The following DLC1 variants were observed in gnomAD, a reference collection of about 807,000 sequenced individuals.
DLC1 encodes rho GTPase-activating protein 7.
In DLC1, 54 loss-of-function variants were observed where a neutral mutation model predicts 140.3. That is an observed-to-expected ratio of 0.38 (90% CI 0.31 to 0.48). The LOEUF is 0.48. DLC1 is among the 20% of genes least tolerant of loss of function. The pLI is 0.96. For missense variants in DLC1, 2,536 were observed against 1,907.0 expected, an observed-to-expected ratio of 1.33 and a Z score of -6.14; for synonymous variants, 986 against 728.1, an observed-to-expected ratio of 1.35 and a Z score of -5.70.
intron 5 of DLC1, among the ~76,000 whole-genome samples, chr8:13,190,408 T>C (rs1199912503): frequency 6.6e-6 from 1 of 152,114 alleles, no homozygotes; most frequent in African/African-American, 2.4e-5. Context: ...TCCTCTCTTC[T>C]CTGGTGTCAA....
At chr8:13,225,408 C>T (rs1459240319) in intron 5 of DLC1, among the ~76,000 whole-genome samples, 5 of 152,020 alleles carry the variant, frequency 3.3e-5, no homozygotes, top group Non-Finnish European at 4.4e-5. Context: ...CCAGGGAGGG[C>T]AAATATCTCA....
intron 3 of DLC1, among the ~76,000 whole-genome samples, chr8:13,398,593 C>A (rs891857580): frequency 2.9e-5 from 4 of 138,192 alleles, no homozygotes; most frequent in Non-Finnish European, 6.2e-5. Context: ...CATAGAGAAA[C>A]CCCATCTCTA....
chr8:13,093,451 A>T (rs1231034628), intron 12 of DLC1, among the ~76,000 whole-genome samples: 2 of 152,214 alleles, frequency 1.3e-5, no homozygotes, highest in Non-Finnish European at 2.9e-5. Flanking sequence ...AGTTTTAGAA[A>T]GCATGCTCGA....
At chr8:13,200,474 C>A (rs183655708) in intron 5 of DLC1, among the ~76,000 whole-genome samples, 1 of 152,148 alleles carries the variant, frequency 6.6e-6, no homozygotes, top group Non-Finnish European at 1.5e-5. Context: ...CCTAACCAGA[C>A]GAATTGGTTT....
intron 4 of DLC1, among the ~76,000 whole-genome samples, chr8:13,349,263 A>T (rs1834519468): frequency 6.6e-6 from 1 of 152,100 alleles, no homozygotes; most frequent in African/African-American, 2.4e-5. Flanking sequence ...GACCATCGTT[A>T]TATGTTAATA....
intron 5 of DLC1, among the ~76,000 whole-genome samples, chr8:13,168,868 C>T (rs76207350): frequency 0.011 from 1,666 of 152,232 alleles, 19 homozygotes; most frequent in South Asian, 0.039. Flanking sequence ...GAAATGAAGT[C>T]GGTGATTAGA....
In DLC1 at chr8:13,393,388, A is replaced by G. The variant is rs569288139; in HGVS notation, c.1314+165T>C. On this transcript the variant is annotated intron_variant, in intron 4 of 17. Transcript: ENST00000276297. ...ACTTGTGTTATCATTTATAAAACAA[A>G]AAACATTTTTCTAGGGTTGTACTTA... is the stretch of plus-strand genomic sequence containing the variant. 6.8e-4 allele frequency among the ~76,000 whole-genome samples: 103 copies of G among 152,350 alleles called. 2 individuals are homozygous for G. The South Asian group carries it at 0.02, about 30-fold the overall frequency.
At chr8:13,522,653 A>C (rs1563418768) in intron 1 of DLC1, among the ~76,000 whole-genome samples, 1 of 151,928 alleles carries the variant, frequency 6.6e-6, no homozygotes, top group African/African-American at 2.4e-5. Flanking sequence ...CAAATAAATA[A>C]ATATAAAAAT....
At chr8:13,423,600 G>C (rs1838417601) in intron 2 of DLC1, among the ~76,000 whole-genome samples, 1 of 152,100 alleles carries the variant, frequency 6.6e-6, no homozygotes, top group South Asian at 2.1e-4. Context: ...ATGATTAATT[G>C]CTAGGCATTT....
In DLC1 at chr8:13,324,487, G is replaced by A. The variant is rs192062100; in HGVS notation, c.1315-19185C>T. Among the ~76,000 whole-genome samples, 813 of 143,192 alleles carry A rather than the reference G, an allele frequency of 5.7e-3. 11 individuals are homozygous for A. Among genetic ancestry groups the A allele is most frequent in the African/African-American group, 0.02 (781 of 38,816 alleles). The allele number at this position is 143,192 out of a possible 152,430, so 93.9% of individuals were successfully genotyped here. A position where few individuals can be genotyped will look rare whatever the true frequency, so the allele number is the denominator to read the frequency against. On this transcript the variant is annotated intron_variant, in intron 4 of 17. Coordinates refer to ENST00000276297, the MANE Select transcript of DLC1 (RefSeq NM_182643.3). The stretch of plus-strand genomic sequence containing the variant: ...GGAGGCTGAGGCAGGAGAATGGCGT[G>A]AACCTGGGAGTGGAGCTTGCAGTGA...
intron 5 of DLC1, among the ~76,000 whole-genome samples, chr8:13,221,202 C>G (rs1272831022): frequency 2.0e-5 from 3 of 152,106 alleles, no homozygotes; most frequent in East Asian, 1.9e-4. Context: ...CGCATTCTTT[C>G]CATGGGGGAT....
chr8:13,388,383 A>G (rs1836612125), intron 4 of DLC1, among the ~76,000 whole-genome samples: 1 of 152,060 alleles, frequency 6.6e-6, no homozygotes, highest in African/African-American at 2.4e-5. Flanking sequence ...AGATCATTCC[A>G]GAGCTGAAAC....
At chr8:13,313,127 C>T (rs569496745) in intron 4 of DLC1, among the ~76,000 whole-genome samples, 2 of 152,278 alleles carry the variant, frequency 1.3e-5, no homozygotes, top group East Asian at 3.9e-4. Context: ...AAGATTTTTA[C>T]TTACAGCACT....
intron 1 of DLC1, among the ~76,000 whole-genome samples, chr8:13,544,735 A>G (rs1803600222): frequency 6.6e-6 from 1 of 152,262 alleles, no homozygotes; most frequent in Non-Finnish European, 1.5e-5. Flanking sequence ...GCATGAAAAT[A>G]TACAATCCAT....
At chr8:13,242,432 G>A (rs1252136463) in intron 5 of DLC1, among the ~76,000 whole-genome samples, 1 of 149,202 alleles carries the variant, frequency 6.7e-6, no homozygotes, top group African/African-American at 2.5e-5. Flanking sequence ...GTCTCTCTCT[G>A]TTGCCCAGGC....
intron 5 of DLC1, among the ~76,000 whole-genome samples, chr8:13,267,729 AGTGTGTGTGTGTGTGT>A (rs58701617): frequency 2.5e-4 from 35 of 140,404 alleles, no homozygotes; most frequent in African/African-American, 6.9e-4. Flanking sequence ...ATTCCTGAGG[AGTGTGTGTGTGTGTGT>A]GTGTGTGTGT....
At chr8:13,415,680 T>C (rs6991068) in intron 2 of DLC1, among the ~76,000 whole-genome samples, 81,011 of 152,020 alleles carry the variant, frequency 0.53, 22,264 homozygotes, top group Middle Eastern at 0.62. Context: ...ATTACAGGCA[T>C]GAGCCACTGC....
At chr8:13,441,563 T>C (rs1400258872) in intron 2 of DLC1, among the ~76,000 whole-genome samples, 2 of 151,894 alleles carry the variant, frequency 1.3e-5, no homozygotes, top group Non-Finnish European at 2.9e-5. Flanking sequence ...TATACACCAA[T>C]AACAGACAAA....
chr8:13,553,354 A>G (rs1803932299), intron 1 of DLC1, among the ~76,000 whole-genome samples: 1 of 150,284 alleles, frequency 6.7e-6, no homozygotes, highest in African/African-American at 2.4e-5. Flanking sequence ...CATGTGTTGT[A>G]GAGTATCACT....
Sources: gnomAD v4.1 joint callset for allele counts (sites outside exome capture counted in the v4.1 genomes callset) on GRCh38, gnomAD v4.1.1 for gene constraint, MANE v1.5 for transcripts, NCBI Gene and HGNC (gene_info 2026-07-23, HGNC 2026-07-21) for gene names.